The following EPB41L2 variants were observed in gnomAD, a reference collection of about 807,000 sequenced individuals.
EPB41L2 encodes the protein erythrocyte membrane protein band 4.1 like 2.
In EPB41L2, 43 loss-of-function variants were observed where a neutral mutation model predicts 113.0. That is an observed-to-expected ratio of 0.38 (90% CI 0.30 to 0.49). The LOEUF (loss-of-function observed/expected upper bound fraction) is 0.49, where lower values mean the gene tolerates loss of function less well. Among genes scored for constraint, EPB41L2 ranks in the 20% least tolerant of loss-of-function variants. The probability of loss-of-function intolerance (pLI) is 0.95; values close to 1 mark genes in which losing one functional copy is unlikely to be tolerated. For synonymous variants in EPB41L2, 442 were observed against 436.7 expected, an observed-to-expected ratio of 1.01 and a Z score of -0.15; for missense variants, 1,147 against 1,223.4, an observed-to-expected ratio of 0.94 and a Z score of 0.93.
intron 1 of EPB41L2, among the ~76,000 whole-genome samples, chr6:131,051,811 G>C (rs1285736014): frequency 6.6e-6 from 1 of 152,176 alleles, no homozygotes. Context: ...ACCAAACTGA[G>C]AGTGGAGAAA....
intron 1 of EPB41L2, among the ~76,000 whole-genome samples, chr6:131,032,873 A>T (rs1052985260): frequency 6.6e-6 from 1 of 152,240 alleles, no homozygotes; most frequent in Non-Finnish European, 1.5e-5. Flanking sequence ...AAGGCTGGGC[A>T]CGGTGGCTCA....
intron 10 of EPB41L2, among the ~76,000 whole-genome samples, chr6:130,891,232 T>C (rs2128481105): frequency 1.3e-5 from 2 of 152,304 alleles, no homozygotes; most frequent in South Asian, 4.1e-4. Flanking sequence ...CCGAAACTTT[T>C]CCTATCATTT....
chr6:131,037,925 T>G (rs748644909), intron 1 of EPB41L2, among the ~76,000 whole-genome samples: 1 of 152,108 alleles, frequency 6.6e-6, no homozygotes, highest in African/African-American at 2.4e-5. Context: ...ATATTCAAGG[T>G]GGAAAAAATC....
chr6:130,842,298 A>G (rs1047199121), intron 19 of EPB41L2, among the ~76,000 whole-genome samples: 11 of 13,678 alleles, frequency 8.0e-4, no homozygotes, highest in East Asian at 0.024. Context: ...GGCTGGGGGA[A>G]AAAAAAATCA....
chr6:131,035,768 G>A (rs995941182), intron 1 of EPB41L2, among the ~76,000 whole-genome samples: 23 of 152,156 alleles, frequency 1.5e-4, no homozygotes, highest in African/African-American at 5.6e-4. Context: ...CAATATCTAT[G>A]TGTGCTTGTG....
At chr6:130,867,717 A>T (rs1490909546) in intron 15 of EPB41L2, 136 bp from the exon 16 acceptor site, 1 of 1,160,066 alleles carries the variant, frequency 8.6e-7, no homozygotes, top group African/African-American at 1.6e-5. Flanking sequence ...AAAAGCAAAC[A>T]ACCTAAAACA....
At chr6:130,901,273 A>G in intron 6 of EPB41L2, 93 bp from the exon 7 acceptor site, 1 of 1,041,814 alleles carries the variant, frequency 9.6e-7, no homozygotes, top group Admixed American at 2.2e-5. Flanking sequence ...CCCTTTGAAA[A>G]CAAATATACA....
chr6:130,990,561 C>G (rs544469176), intron 1 of EPB41L2, among the ~76,000 whole-genome samples: 201 of 152,112 alleles, frequency 1.3e-3, no homozygotes, highest in South Asian at 6.4e-3. Flanking sequence ...TACAAGAAAC[C>G]TATTTTAAAG....
In EPB41L2 at chr6:130,857,715, C is replaced by T. The variant is rs73775321; in HGVS notation, c.*5+416G>A. Among the ~76,000 whole-genome samples the T allele has an allele frequency of 7.4e-3, 1,124 of 152,114 alleles. 21 individuals carry two copies. The highest frequency in any genetic ancestry group is 0.026 in the African/African-American group (1,076 of 41,500). On this transcript the variant is annotated intron_variant, in intron 19 of 19. Transcript: ENST00000337057. Reference sequence around the variant, plus strand: ...GGGATTACAGGCATGCACCAACATGCCCATCTCATTTTTGTGTTTTTAGTA... The same window carrying T: ...GGGATTACAGGCATGCACCAACATGTCCATCTCATTTTTGTGTTTTTAGTA...
intron 4 of EPB41L2, among the ~76,000 whole-genome samples, chr6:130,912,057 A>G (rs952906056): frequency 2.0e-5 from 3 of 152,096 alleles, no homozygotes; most frequent in Non-Finnish European, 4.4e-5. Flanking sequence ...CACAAACCCT[A>G]TTGTGAACTG....
At chr6:130,877,416 G>A (rs1787918839) in intron 14 of EPB41L2, among the ~76,000 whole-genome samples, 1 of 152,148 alleles carries the variant, frequency 6.6e-6, no homozygotes, top group Non-Finnish European at 1.5e-5. Flanking sequence ...AATCCTAGAG[G>A]CACAGATGTG....
chr6:130,989,191 G>A (rs546402437), intron 1 of EPB41L2, among the ~76,000 whole-genome samples: 26 of 152,300 alleles, frequency 1.7e-4, no homozygotes, highest in African/African-American at 6.3e-4. Flanking sequence ...AGCCCATTAA[G>A]TGCCAGACAA....
At chr6:131,059,773 C>T (rs1029723684) in intron 1 of EPB41L2, among the ~76,000 whole-genome samples, 1 of 152,132 alleles carries the variant, frequency 6.6e-6, no homozygotes, top group African/African-American at 2.4e-5. Flanking sequence ...TAGGGTTTGG[C>T]TATTATTTGC....
intron 1 of EPB41L2, among the ~76,000 whole-genome samples, chr6:131,002,535 C>A (rs935136236): frequency 6.6e-6 from 1 of 152,138 alleles, no homozygotes; most frequent in Non-Finnish European, 1.5e-5. Context: ...TACACAGCTA[C>A]GAATTCCTAC....
intron 3 of EPB41L2, among the ~76,000 whole-genome samples, chr6:130,943,808 G>T (rs186110634): frequency 4.4e-4 from 67 of 152,218 alleles, no homozygotes; most frequent in Non-Finnish European, 2.4e-4. Context: ...AAGGGACAAA[G>T]AATAAGAATT....
intron 1 of EPB41L2, among the ~76,000 whole-genome samples, chr6:130,972,579 T>C (rs1411824405): frequency 5.3e-5 from 8 of 151,634 alleles, no homozygotes; most frequent in East Asian, 1.9e-4. Context: ...CATATTTGCC[T>C]TGACAATTCA....
At chr6:131,005,791 C>T (rs1409857563) in intron 1 of EPB41L2, among the ~76,000 whole-genome samples, 4 of 152,130 alleles carry the variant, frequency 2.6e-5, no homozygotes, top group Admixed American at 6.5e-5. Flanking sequence ...TACATCCCAA[C>T]GCAGTTCACA....
At chr6:130,997,032 A>G (rs1308028546) in intron 1 of EPB41L2, among the ~76,000 whole-genome samples, 1 of 152,238 alleles carries the variant, frequency 6.6e-6, no homozygotes, top group Non-Finnish European at 1.5e-5. Flanking sequence ...CATGTGGTAT[A>G]GATTTACCAA....
At chr6:130,954,802 C>T (rs984233503) in intron 3 of EPB41L2, among the ~76,000 whole-genome samples, 1 of 152,188 alleles carries the variant, frequency 6.6e-6, no homozygotes, top group Non-Finnish European at 1.5e-5. Flanking sequence ...CAGCCTAGTG[C>T]TATCATTTTT....
Sources: allele counts gnomAD v4.1 joint callset (sites outside exome capture counted in the v4.1 genomes callset), GRCh38; gene constraint gnomAD v4.1.1; transcripts MANE v1.5; gene names NCBI Gene and HGNC (gene_info 2026-07-23, HGNC 2026-07-21).